CNTNAP2: variants seen among roughly 807,000 people sequenced by gnomAD.
The protein encoded by CNTNAP2 is contactin-associated protein-like 2.
Under a neutral mutation model 155.2 loss-of-function variants are expected in CNTNAP2, and 98 were observed. The observed-to-expected ratio is 0.63, with a 90% CI of 0.54 to 0.75. The LOEUF (loss-of-function observed/expected upper bound fraction) is 0.75. Among genes scored for constraint, CNTNAP2 ranks in the 30% least tolerant of loss-of-function variants. The pLI, the probability that CNTNAP2 is intolerant of heterozygous loss-of-function variation, is 0.00. For missense variants in CNTNAP2, 1,727 were observed against 1,688.1 expected (o/e 1.02, Z -0.40); for synonymous variants, 651 against 631.2 (o/e 1.03, Z -0.47).
chr7:148,120,549 G>A (rs1004220232), intron 16 of CNTNAP2, among the ~76,000 whole-genome samples: 2 of 152,082 alleles, frequency 1.3e-5, no homozygotes, highest in South Asian at 2.1e-4. Context: ...TTACAGGCAT[G>A]AGCCACTGCA....
At chr7:146,665,676 G>T (rs908487462) in intron 1 of CNTNAP2, among the ~76,000 whole-genome samples, 1 of 151,210 alleles carries the variant, frequency 6.6e-6, no homozygotes, top group Non-Finnish European at 1.5e-5. Flanking sequence ...AGCTACTCGG[G>T]AGGCTGAGAC....
chr7:148,290,928 T>C (rs1324774621), intron 21 of CNTNAP2, among the ~76,000 whole-genome samples: 1 of 152,200 alleles, frequency 6.6e-6, no homozygotes, highest in Non-Finnish European at 1.5e-5. Flanking sequence ...GATATTATTT[T>C]TGTGGCTGCA....
Position 148,378,009 on chromosome 7 carries a change from T to G in CNTNAP2, c.3476-5640T>G, listed in dbSNP as rs1192468409. 8.8e-5 allele frequency among the ~76,000 whole-genome samples: 6 copies of G among 68,318 alleles called. 2 individuals are homozygous for G. Among genetic ancestry groups the G allele is most frequent in the African/African-American group, 2.1e-4 (6 of 27,950 alleles). 44.8% of individuals were successfully genotyped at this position (68,318 alleles called of 152,430 possible). A position where few individuals can be genotyped will look rare whatever the true frequency, so the allele number is the denominator to read the frequency against. ...ATGATGTTCAGTAGGTTACGTGTAT[T>G]TAATGCATTTTTGATTTACAATATT... On this transcript the variant is annotated intron_variant, in intron 21 of 23. Coordinates refer to ENST00000361727, the MANE Select transcript of CNTNAP2 (RefSeq NM_014141.6).
At chr7:147,099,264 G>T (rs1160826855) in intron 4 of CNTNAP2, among the ~76,000 whole-genome samples, 1 of 152,044 alleles carries the variant, frequency 6.6e-6, no homozygotes, top group Non-Finnish European at 1.5e-5. Context: ...GTTGGGGTGT[G>T]GACTCTGGAT....
chr7:146,240,292 A>G (rs1415551665), intron 1 of CNTNAP2, among the ~76,000 whole-genome samples: 2 of 152,218 alleles, frequency 1.3e-5, no homozygotes, highest in East Asian at 3.9e-4. Flanking sequence ...GTTCTGTTTT[A>G]TATACCTTTA....
chr7:148,014,866 G>A (rs1007019600), intron 15 of CNTNAP2, among the ~76,000 whole-genome samples: 2 of 152,250 alleles, frequency 1.3e-5, no homozygotes, highest in African/African-American at 4.8e-5. Context: ...GCAGACCACA[G>A]TCTAGTGCCT....
chr7:147,048,589 G>C (rs1007712214), intron 4 of CNTNAP2, among the ~76,000 whole-genome samples: 1 of 152,150 alleles, frequency 6.6e-6, no homozygotes, highest in Non-Finnish European at 1.5e-5. Context: ...TTCTCTGATA[G>C]AACTTTCTAC....
chr7:147,303,839 C>T (rs933672590), intron 9 of CNTNAP2, among the ~76,000 whole-genome samples: 3 of 152,188 alleles, frequency 2.0e-5, no homozygotes, highest in African/African-American at 7.2e-5. Flanking sequence ...GAGACAGCCT[C>T]ACAAGGAACA....
At chr7:147,992,140 G>T (rs928207081) in intron 15 of CNTNAP2, among the ~76,000 whole-genome samples, 4 of 123,048 alleles carry the variant, frequency 3.3e-5, no homozygotes, top group Non-Finnish European at 4.6e-5. Context: ...TGTCACCTAG[G>T]CTGGAGTGCA....
At chr7:147,842,444 T>C (rs1584985333) in intron 13 of CNTNAP2, among the ~76,000 whole-genome samples, 1 of 152,146 alleles carries the variant, frequency 6.6e-6, no homozygotes, top group Non-Finnish European at 1.5e-5. Flanking sequence ...TTTTAAGTTT[T>C]CATTCAATAA....
intron 10 of CNTNAP2, among the ~76,000 whole-genome samples, chr7:147,427,072 G>A (rs914787307): frequency 6.6e-6 from 1 of 152,136 alleles, no homozygotes; most frequent in African/African-American, 2.4e-5. Flanking sequence ...GTCTGATGGG[G>A]ATTGCTCTTC....
At chr7:148,076,422 CTTTTTTTTTTTTT>C (rs771048326) in intron 15 of CNTNAP2, among the ~76,000 whole-genome samples, 2 of 49,802 alleles carry the variant, frequency 4.0e-5, no homozygotes, top group Non-Finnish European at 6.9e-5. Flanking sequence ...GCTCTGACTT[CTTTTTTTTTTTTT>C]TTTTTTTTTT....
chr7:147,052,409 A>G (rs1307615476), intron 4 of CNTNAP2, among the ~76,000 whole-genome samples: 3 of 152,102 alleles, frequency 2.0e-5, no homozygotes, highest in Non-Finnish European at 4.4e-5. Context: ...GGCGTAATTT[A>G]TTCCCTCAGT....
chr7:147,131,178 A>G (rs1275085648), intron 7 of CNTNAP2, among the ~76,000 whole-genome samples: 1 of 150,806 alleles, frequency 6.6e-6, no homozygotes, highest in East Asian at 1.9e-4. Context: ...TACCATATAC[A>G]TATACATATA....
At chr7:146,722,946 C>A (rs1801364578) in intron 1 of CNTNAP2, among the ~76,000 whole-genome samples, 2 of 152,020 alleles carry the variant, frequency 1.3e-5, no homozygotes, top group African/African-American at 2.4e-5. Flanking sequence ...ACCTGGGAGG[C>A]AGAGTTTGCA....
intron 1 of CNTNAP2, among the ~76,000 whole-genome samples, chr7:146,254,550 T>C (rs802524): frequency 0.22 from 33,448 of 152,174 alleles, 9,007 homozygotes; most frequent in African/African-American, 0.64. Context: ...CTATTAGAAG[T>C]GTTCAGGTAA....
intron 14 of CNTNAP2, among the ~76,000 whole-genome samples, chr7:147,972,625 T>C (rs997417159): frequency 6.6e-6 from 1 of 152,172 alleles, no homozygotes; most frequent in African/African-American, 2.4e-5. Context: ...TGAGTAACAA[T>C]GCTGATGGAA....
At chr7:146,337,970 A>G (rs1456641959) in intron 1 of CNTNAP2, among the ~76,000 whole-genome samples, 1 of 152,176 alleles carries the variant, frequency 6.6e-6, no homozygotes, top group Non-Finnish European at 1.5e-5. Context: ...TTTGCAAAAT[A>G]GTGAGATATT....
At chr7:147,878,427 A>G (rs1799461988) in intron 13 of CNTNAP2, among the ~76,000 whole-genome samples, 1 of 125,602 alleles carries the variant, frequency 8.0e-6, no homozygotes, top group African/African-American at 3.6e-5. Context: ...ATCATTTGAT[A>G]GTAATTTGAA....
Sources: gnomAD v4.1 joint callset for allele counts (sites outside exome capture counted in the v4.1 genomes callset) on GRCh38, gnomAD v4.1.1 for gene constraint, MANE v1.5 for transcripts, NCBI Gene and HGNC (gene_info 2026-07-23, HGNC 2026-07-21) for gene names.